IL17B: variants seen among roughly 807,000 people sequenced by gnomAD.
IL17B encodes the protein interleukin 17B, also known as interleukin-17B.
A neutral mutation model predicts 14.7 loss-of-function variants in IL17B; 14 were observed. The observed-to-expected ratio is 0.95, with a 90% confidence interval of 0.63 to 1.49. IL17B has a LOEUF of 1.49. IL17B is among the 40% of genes most tolerant of loss of function. The pLI is 0.00. For missense variants in IL17B, 233 were observed against 252.8 expected (o/e 0.92, Z 0.53); for synonymous variants, 105 against 94.8 (o/e 1.11, Z -0.62).
chr5:149,401,284 A>T (rs1453481659), intron 1 of IL17B, among the ~76,000 whole-genome samples: 7 of 152,240 alleles, frequency 4.6e-5, no homozygotes, highest in Middle Eastern at 3.2e-3. Flanking sequence ...TTTCCTGCAC[A>T]TGGACCCTGA....
chr5:149,395,933 C>T (rs913460011), intron 1 of IL17B, among the ~76,000 whole-genome samples: 2 of 152,170 alleles, frequency 1.3e-5, no homozygotes, highest in Non-Finnish European at 2.9e-5. Flanking sequence ...TCGGCTTCCC[C>T]AGAGTACTGG....
chr5:149,388,612 C>T (rs780945809), intron 1 of IL17B, among the ~76,000 whole-genome samples: 3 of 152,206 alleles, frequency 2.0e-5, no homozygotes, highest in East Asian at 1.9e-4. Context: ...CAAGCAGTAT[C>T]GGTCAGTATA....
chr5:149,402,124 C>T (rs1581399438), intron 1 of IL17B, among the ~76,000 whole-genome samples: 2 of 152,182 alleles, frequency 1.3e-5, no homozygotes, highest in Admixed American at 6.5e-5. Context: ...CCCGTACAGG[C>T]GTCTTGGAAG....
intron 1 of IL17B, among the ~76,000 whole-genome samples, chr5:149,391,421 C>G (rs778833536): frequency 9.2e-5 from 14 of 152,238 alleles, no homozygotes; most frequent in Non-Finnish European, 1.9e-4. Flanking sequence ...GCCCCAGGCA[C>G]AAAGTCTCTT....
intron 1 of IL17B, among the ~76,000 whole-genome samples, chr5:149,399,202 C>G (rs992251021): frequency 6.6e-6 from 1 of 152,190 alleles, no homozygotes; most frequent in African/African-American, 2.4e-5. Flanking sequence ...TATCACTCCC[C>G]TAACATTTTC....
chr5:149,395,881 C>A (rs10072426), intron 1 of IL17B, among the ~76,000 whole-genome samples: 48,854 of 151,886 alleles, frequency 0.32, 8,036 homozygotes, highest in African/African-American at 0.37. Context: ...CCATGTTGGC[C>A]AGGCTGGTCT....
At chr5:149,386,224 T>C (rs773259926) in intron 1 of IL17B, among the ~76,000 whole-genome samples, 6 of 152,192 alleles carry the variant, frequency 3.9e-5, no homozygotes, top group Admixed American at 1.3e-4. Flanking sequence ...AGGTAGGAGC[T>C]GTTCACAGAC....
chr5:149,384,682 AT>A, intron 1 of IL17B, among the ~76,000 whole-genome samples: 1 of 152,106 alleles, frequency 6.6e-6, no homozygotes, highest in Non-Finnish European at 1.5e-5. Context: ...CCCTGCTATT[AT>A]TTTGTTGTAT....
chr5:149,394,740 T>C (rs914466759), intron 1 of IL17B, among the ~76,000 whole-genome samples: 1 of 152,226 alleles, frequency 6.6e-6, no homozygotes, highest in Non-Finnish European at 1.5e-5. Context: ...TGTTTTTTTC[T>C]TTCTTTTAGC....
chr5:149,387,819 C>A (rs1292473464), intron 1 of IL17B, among the ~76,000 whole-genome samples: 1 of 147,516 alleles, frequency 6.8e-6, no homozygotes, highest in Non-Finnish European at 1.5e-5. Flanking sequence ...AACACTTTTA[C>A]ATCCATGACT....
At chr5:149,376,142 G>C (rs1016131847) in intron 2 of IL17B, among the ~76,000 whole-genome samples, 29 of 152,342 alleles carry the variant, frequency 1.9e-4, no homozygotes, top group African/African-American at 6.7e-4. Context: ...CACTGAGCAA[G>C]GAAGCGGAGC....
upstream of IL17B, among the ~76,000 whole-genome samples, chr5:149,384,082 T>C (rs168483): frequency 0.17 from 25,330 of 152,248 alleles, 2,268 homozygotes; most frequent in Middle Eastern, 0.2. Context: ...TTGCTGGGTA[T>C]CATCTCTCTA....
rs1758576948 is a variant in IL17B at position 149,377,496 on chromosome 5, A to G, written c.22-471T>C. Among the ~76,000 whole-genome samples, 11 of 152,312 alleles carry G rather than the reference A, an allele frequency of 7.2e-5. No individual in the cohort carries two copies. In the South Asian group the frequency reaches 2.3e-3, roughly 32 times the overall value. On this transcript the variant is annotated intron_variant, in intron 1 of 2. Transcript: ENST00000261796. ...TGGGGGCACGTGTCAGTTTCCACAC[A>G]CTGTCATATCTCCCGTGTCTGCGTG...
At chr5:149,389,363 T>C (rs761310448) in intron 1 of IL17B, among the ~76,000 whole-genome samples, 11 of 152,242 alleles carry the variant, frequency 7.2e-5, no homozygotes, top group Non-Finnish European at 1.5e-4. Flanking sequence ...AAAGAAACTT[T>C]GCTTGATATA....
At chr5:149,402,689 TAA>T (rs370816490) in intron 1 of IL17B, among the ~76,000 whole-genome samples, 22 of 139,156 alleles carry the variant, frequency 1.6e-4, no homozygotes, top group Admixed American at 2.2e-4. Context: ...ACCATGCTTT[TAA>T]AAAAAAAAAA....
In IL17B at chr5:149,379,191, G is replaced by C; in HGVS notation, c.21+14C>G. ...TAAAAAGGGGTGGGGGTGCGGCAGG[G>C]AAGCGCCACGTACCAGGTTGTGAGG... On this transcript the variant is annotated intron_variant, in intron 1 of 2. Transcript: ENST00000261796. 1 of 1,614,064 alleles carries C rather than the reference G, an allele frequency of 6.2e-7. No individual in the cohort carries two copies. The highest frequency in any genetic ancestry group is 8.5e-7 in the Non-Finnish European group (1 of 1,179,952).
chr5:149,403,411 T>G (rs746402811), intron 1 of IL17B, among the ~76,000 whole-genome samples: 1 of 152,170 alleles, frequency 6.6e-6, no homozygotes, highest in East Asian at 1.9e-4. Flanking sequence ...CATGGTATGA[T>G]GCTTTTGAGA....
chr5:149,389,377 C>T (rs1175491068), intron 1 of IL17B, among the ~76,000 whole-genome samples: 1 of 152,226 alleles, frequency 6.6e-6, no homozygotes, highest in Non-Finnish European at 1.5e-5. Context: ...TGATATAAAA[C>T]TCAATGGCAG....
At position 149,374,574 on chromosome 5, in the gene IL17B, G is replaced by A. The variant is rs746616674; in HGVS notation, c.338C>T (p.Pro113Leu). The A allele has an allele frequency of 6.2e-7, 1 of 1,612,446 alleles. No individual in the cohort carries two copies. Residue 113 changes from proline (P) to leucine (L), a missense_variant, in exon 3 of 3, where the codon CCC (proline) becomes CTC (leucine). Coordinates refer to ENST00000261796, the MANE Select transcript of IL17B (RefSeq NM_014443.3). This position sits in a 1 kb window ranked among gnomAD's most constrained non-coding sequence, Gnocchi z 5.0. ...GCACCGTGCCTCCGGCAGGTCCACG[G>A]GGATACGGCTGGGGTCGTGGTTGAT... ...YSINHDPSRI[P>L]VDLPEARCLC...
Sources: allele counts gnomAD v4.1 joint callset (sites outside exome capture counted in the v4.1 genomes callset), GRCh38; gene constraint gnomAD v4.1.1; non-coding constraint Gnocchi (gnomAD v3.1); transcripts MANE v1.5; gene names NCBI Gene and HGNC (gene_info 2026-07-23, HGNC 2026-07-21).